The following GULP1 variants were observed in gnomAD, a reference collection of about 807,000 sequenced individuals.
The protein encoded by GULP1 is GULP PTB domain containing engulfment adaptor 1, also known as PTB domain-containing engulfment adapter protein 1.
A neutral mutation model predicts 40.9 loss-of-function variants in GULP1; 19 were observed. The observed-to-expected ratio is 0.46, with a 90% CI of 0.32 to 0.68. GULP1 has a LOEUF of 0.68. GULP1 is among the 30% of genes least tolerant of loss of function. The pLI, the probability that GULP1 is intolerant of heterozygous loss-of-function variation, is 0.03. For missense variants in GULP1, 312 were observed against 362.2 expected, an observed-to-expected ratio of 0.86 and a Z score of 1.12; for synonymous variants, 119 against 117.6, an observed-to-expected ratio of 1.01 and a Z score of -0.08.
At chr2:188,578,538 A>T (rs1408867501) in intron 9 of GULP1, among the ~76,000 whole-genome samples, 1 of 151,492 alleles carries the variant, frequency 6.6e-6, no homozygotes, top group Non-Finnish European at 1.5e-5. Context: ...AGTAAAATAA[A>T]AAAAAAAAAG....
intron 4 of GULP1, among the ~76,000 whole-genome samples, chr2:188,496,853 T>A (rs2062946510): frequency 6.6e-6 from 1 of 151,906 alleles, no homozygotes; most frequent in South Asian, 2.1e-4. Flanking sequence ...GAGTGAGTTA[T>A]GGCAAGATCT....
At chr2:188,571,545 C>A (rs1441727119) in intron 9 of GULP1, among the ~76,000 whole-genome samples, 6 of 152,032 alleles carry the variant, frequency 3.9e-5, no homozygotes, top group African/African-American at 1.4e-4. Context: ...GCTGGAGCAT[C>A]CTCTTCAGGT....
intron 6 of GULP1, among the ~76,000 whole-genome samples, chr2:188,537,910 T>C (rs1483678599): frequency 1.3e-5 from 2 of 152,232 alleles, no homozygotes; most frequent in Non-Finnish European, 2.9e-5. Flanking sequence ...TGATTCAATG[T>C]TGGGAGGTTC....
chr2:188,344,795 A>T (rs921222859), intron 1 of GULP1, among the ~76,000 whole-genome samples: 2 of 152,154 alleles, frequency 1.3e-5, no homozygotes, highest in African/African-American at 4.8e-5. Context: ...TTAAAACTGT[A>T]CTCATTGCAA....
At chr2:188,312,628 A>G (rs112996542) in intron 1 of GULP1, among the ~76,000 whole-genome samples, 52 of 152,262 alleles carry the variant, frequency 3.4e-4, no homozygotes, top group African/African-American at 1.2e-3. Flanking sequence ...TGTCTTTATA[A>G]TAGAATGATT....
At chr2:188,409,403 C>A (rs745544012) in intron 2 of GULP1, among the ~76,000 whole-genome samples, 31 of 152,066 alleles carry the variant, frequency 2.0e-4, no homozygotes, top group Admixed American at 5.9e-4. Context: ...TATGCTAAAT[C>A]AGGAATCAAC....
intron 1 of GULP1, among the ~76,000 whole-genome samples, chr2:188,323,680 GTGTGTGTGTA>G (rs1392963094): frequency 4.7e-5 from 5 of 107,338 alleles, no homozygotes; most frequent in Non-Finnish European, 1.1e-4. Context: ...GTGTGTGTGT[GTGTGTGTGTA>G]TGTGTGTACA....
chr2:188,329,809 G>A (rs772683501), intron 1 of GULP1, among the ~76,000 whole-genome samples: 11 of 152,118 alleles, frequency 7.2e-5, no homozygotes, highest in Non-Finnish European at 1.3e-4. Context: ...GATGTATTTT[G>A]GCAAGATGGG....
chr2:188,498,379 T>C (rs1295851618), intron 4 of GULP1, among the ~76,000 whole-genome samples: 1 of 151,896 alleles, frequency 6.6e-6, no homozygotes, highest in Admixed American at 6.6e-5. Context: ...TTAGATTCTA[T>C]AGAACATCTG....
intron 2 of GULP1, among the ~76,000 whole-genome samples, chr2:188,414,087 C>T (rs759228012): frequency 6.6e-6 from 1 of 151,664 alleles, no homozygotes; most frequent in East Asian, 1.9e-4. Context: ...CATGGTGGTG[C>T]GTGCCTGTAA....
chr2:188,478,247 A>T (rs1423090372), intron 3 of GULP1, among the ~76,000 whole-genome samples: 1 of 152,146 alleles, frequency 6.6e-6, no homozygotes, highest in Non-Finnish European at 1.5e-5. Context: ...CGAATGTAGT[A>T]TATTATAGTG....
intron 2 of GULP1, among the ~76,000 whole-genome samples, chr2:188,433,431 G>A (rs1042944281): frequency 2.6e-5 from 4 of 152,050 alleles, no homozygotes; most frequent in African/African-American, 9.7e-5. Flanking sequence ...TTGATTATGA[G>A]AGAAAAAGGC....
intron 6 of GULP1, among the ~76,000 whole-genome samples, chr2:188,534,561 C>A (rs1688429653): frequency 6.6e-6 from 1 of 151,974 alleles, no homozygotes; most frequent in Admixed American, 6.6e-5. Context: ...AGTGATGGGA[C>A]TATTTTTACC....
intron 1 of GULP1, among the ~76,000 whole-genome samples, chr2:188,308,493 A>G (rs970432493): frequency 6.6e-6 from 1 of 152,196 alleles, no homozygotes; most frequent in Non-Finnish European, 1.5e-5. Flanking sequence ...TTTGTGTGAG[A>G]GAACAAACCC....
Position 188,570,038 on chromosome 2 carries a change from TAGAAAC to T in GULP1, c.533_538del (p.Thr178_Glu179del), listed in dbSNP as rs755012491. 1 of 1,307,662 alleles carries T rather than the reference TAGAAAC, an allele frequency of 7.6e-7. No individual in the cohort carries two copies. The highest frequency in any genetic ancestry group is 1.3e-5 in the South Asian group (1 of 78,156). The allele number at this position is 1,307,662 out of a possible 1,614,324, so 81.0% of individuals were successfully genotyped here. A position where few individuals can be genotyped will look rare whatever the true frequency, so the allele number is the denominator to read the frequency against. ...TGATTTTCTTTTTAGATCCAAGACTTAGAAACAGAAAATATGGAACTTAAAAATAAA... is the reference window on the plus strand; with the variant it reads ...TGATTTTCTTTTTAGATCCAAGACTTAGAAAATATGGAACTTAAAAATAAA... On this transcript the variant is annotated inframe_deletion, in exon 9 of 12. Coordinates refer to ENST00000409830, the MANE Select transcript of GULP1 (RefSeq NM_016315.4).
At chr2:188,466,495 G>A (rs909832493) in intron 2 of GULP1, 1 of 137,322 alleles carries the variant, frequency 7.3e-6, no homozygotes, top group African/African-American at 2.8e-5. Flanking sequence ...GTTTCACCAT[G>A]TTAACCAGGA....
intron 1 of GULP1, among the ~76,000 whole-genome samples, chr2:188,359,242 T>C (rs1414650836): frequency 6.6e-6 from 1 of 152,134 alleles, no homozygotes; most frequent in Non-Finnish European, 1.5e-5. Flanking sequence ...AGATATTTAT[T>C]GAGTTATACT....
intron 9 of GULP1, among the ~76,000 whole-genome samples, chr2:188,571,537 T>G (rs1426662245): frequency 2.6e-5 from 4 of 152,188 alleles, no homozygotes; most frequent in Non-Finnish European, 5.9e-5. Context: ...GTATCTATGC[T>G]GGAGCATCCT....
chr2:188,557,422 C>G (rs1695053969), intron 7 of GULP1, among the ~76,000 whole-genome samples: 4 of 152,216 alleles, frequency 2.6e-5, no homozygotes, highest in Non-Finnish European at 4.4e-5. Flanking sequence ...GAGATACAGG[C>G]CTCACACAAT....
Sources: gnomAD v4.1 joint callset for allele counts (sites outside exome capture counted in the v4.1 genomes callset) on GRCh38, gnomAD v4.1.1 for gene constraint, MANE v1.5 for transcripts, NCBI Gene and HGNC (gene_info 2026-07-23, HGNC 2026-07-21) for gene names.